Variants in TRERF1 observed in about 807,000 individuals in gnomAD.
TRERF1 encodes transcriptional-regulating factor 1.
Under a neutral mutation model 122.9 loss-of-function variants are expected in TRERF1, and 27 were observed. The ratio of observed to expected loss-of-function variants is 0.22; its 90% CI spans 0.16 to 0.30. TRERF1 has a LOEUF of 0.30. Among genes scored for constraint, TRERF1 ranks in the 10% least tolerant of loss-of-function variants. TRERF1 has a pLI of 1.00. For missense variants in TRERF1, 1,248 were observed against 1,560.3 expected (o/e 0.80, Z 3.37); for synonymous variants, 636 against 641.7 (o/e 0.99, Z 0.13).
intron 3 of TRERF1, among the ~76,000 whole-genome samples, chr6:42,339,034 C>T (rs1175429890): frequency 1.3e-5 from 2 of 152,172 alleles, no homozygotes; most frequent in African/African-American, 4.8e-5. Flanking sequence ...GGGGTGAACA[C>T]ATGCTACTGC....
chr6:42,243,685 A>G (rs1048271546), intron 14 of TRERF1, among the ~76,000 whole-genome samples: 2 of 150,396 alleles, frequency 1.3e-5, no homozygotes, highest in African/African-American at 2.5e-5. Context: ...GGTTCACACC[A>G]TTCTCCTGCC....
At chr6:42,231,724 G>C (rs1365078650) in intron 17 of TRERF1, among the ~76,000 whole-genome samples, 1 of 152,088 alleles carries the variant, frequency 6.6e-6, no homozygotes, top group African/African-American at 2.4e-5. Context: ...GCTGTGGGAG[G>C]GAATCACCCA....
intron 3 of TRERF1, among the ~76,000 whole-genome samples, chr6:42,308,695 A>G (rs1210902316): frequency 1.3e-5 from 2 of 152,222 alleles, no homozygotes; most frequent in African/African-American, 2.4e-5. Flanking sequence ...CAGAAAACCA[A>G]ATATCCCATG....
chr6:42,445,381 C>T (rs1022019329), intron 2 of TRERF1, among the ~76,000 whole-genome samples: 1 of 151,914 alleles, frequency 6.6e-6, no homozygotes, highest in African/African-American at 2.4e-5. Context: ...CACACACACA[C>T]ACACACACAG....
chr6:42,261,157 G>C (rs1162157264), intron 8 of TRERF1, among the ~76,000 whole-genome samples: 2 of 152,198 alleles, frequency 1.3e-5, no homozygotes, highest in Non-Finnish European at 2.9e-5. Context: ...TGAGGAGAAT[G>C]GGGGAAGGAG....
At chr6:42,326,189 AT>A (rs111857643) in intron 3 of TRERF1, among the ~76,000 whole-genome samples, 1,957 of 152,136 alleles carry the variant, frequency 0.013, 47 homozygotes, top group African/African-American at 0.044. Flanking sequence ...TAAAAAAAAA[AT>A]TCAGTGCAAC....
chr6:42,441,520 G>C (rs557162339), intron 2 of TRERF1, among the ~76,000 whole-genome samples: 12 of 152,276 alleles, frequency 7.9e-5, no homozygotes, highest in African/African-American at 2.9e-4. Context: ...CCAGCTAAAG[G>C]CTGCAAGGCC....
At chr6:42,434,182 T>C (rs958930209) in intron 2 of TRERF1, among the ~76,000 whole-genome samples, 2 of 152,054 alleles carry the variant, frequency 1.3e-5, no homozygotes, top group African/African-American at 2.4e-5. Context: ...TAGGATACCA[T>C]GAAAGGGTCT....
At chr6:42,300,738 G>C (rs1413976696) in exon 4 of TRERF1, 4 of 152,716 alleles carry the variant, frequency 2.6e-5, no homozygotes, top group Non-Finnish European at 5.9e-5. Flanking sequence ...GGTGGGAAGA[G>C]GAGGCCTGGT....
chr6:42,423,660 A>G (rs1338694888), intron 2 of TRERF1, among the ~76,000 whole-genome samples: 1 of 152,252 alleles, frequency 6.6e-6, no homozygotes, highest in African/African-American at 2.4e-5. Context: ...AAAAAATAAA[A>G]TAAAATGCAC....
chr6:42,326,212 G>C (rs1764268981), intron 3 of TRERF1, among the ~76,000 whole-genome samples: 1 of 151,764 alleles, frequency 6.6e-6, no homozygotes. Context: ...CTGGCCAGGT[G>C]ACTGGCTTGC....
intron 3 of TRERF1, among the ~76,000 whole-genome samples, chr6:42,321,475 T>C (rs1451217954): frequency 1.3e-5 from 2 of 151,784 alleles, no homozygotes; most frequent in African/African-American, 4.8e-5. Context: ...CTTGGAAAAA[T>C]TAAAGCTGTA....
rs539774348 is a variant in TRERF1, at chr6:42,317,681, C to T, written c.-370-16932G>A. On this transcript the variant is annotated intron_variant, in intron 3 of 17. Coordinates refer to ENST00000372922, the Ensembl canonical transcript of TRERF1. ...ATTTTTAAAATAACAGTCTTCTCCA[C>T]ATCTAAAACATGTTCACTGTAAAAA... Among the ~76,000 whole-genome samples, 28 of 151,996 alleles carry T rather than the reference C, an allele frequency of 1.8e-4. No homozygotes were observed. In the South Asian group the frequency reaches 5.6e-3, roughly 31 times the overall value.
intron 14 of TRERF1, 98 bp downstream of exon 14, chr6:42,246,358 G>T: frequency 1.1e-6 from 1 of 937,836 alleles, no homozygotes; most frequent in Non-Finnish European, 1.7e-6. Flanking sequence ...CATCCTTTTT[G>T]TAAGTATCTT....
At chr6:42,376,299 TAA>T (rs1774843925) in intron 2 of TRERF1, among the ~76,000 whole-genome samples, 2 of 152,354 alleles carry the variant, frequency 1.3e-5, no homozygotes, top group South Asian at 4.1e-4. Flanking sequence ...TTGGAGAGGC[TAA>T]GTCTTAGCAG....
intron 4 of TRERF1, among the ~76,000 whole-genome samples, chr6:42,286,383 A>C (rs1349465003): frequency 7.0e-6 from 1 of 142,018 alleles, no homozygotes; most frequent in African/African-American, 2.7e-5. Flanking sequence ...AATTCTTGCA[A>C]CCTACTCATC....
intron 2 of TRERF1, among the ~76,000 whole-genome samples, chr6:42,371,864 A>G (rs1773832184): frequency 6.6e-6 from 1 of 152,138 alleles, no homozygotes; most frequent in Non-Finnish European, 1.5e-5. Flanking sequence ...AGTAGGAGGT[A>G]TGTGCCTGTT....
At chr6:42,365,354 A>G (rs1047955751) in intron 2 of TRERF1, among the ~76,000 whole-genome samples, 3 of 152,150 alleles carry the variant, frequency 2.0e-5, no homozygotes, top group African/African-American at 7.2e-5. Flanking sequence ...GACAGCCCTC[A>G]GTAGCCAGGG....
intron 2 of TRERF1, among the ~76,000 whole-genome samples, chr6:42,392,163 T>C (rs1777856102): frequency 6.6e-6 from 1 of 152,200 alleles, no homozygotes; most frequent in South Asian, 2.1e-4. Context: ...GCTGGCTTTG[T>C]CTATCCTGGC....
Sources: gnomAD v4.1 joint callset for allele counts (sites outside exome capture counted in the v4.1 genomes callset) on GRCh38, gnomAD v4.1.1 for gene constraint, MANE v1.5 for transcripts, NCBI Gene and HGNC (gene_info 2026-07-23, HGNC 2026-07-21) for gene names.